The following NDUFA5 variants were observed in gnomAD, a reference collection of about 807,000 sequenced individuals.
NDUFA5 encodes NADH dehydrogenase [ubiquinone] 1 alpha subcomplex subunit 5.
Under a neutral mutation model 19.8 loss-of-function variants are expected in NDUFA5, and 11 were observed. The ratio of observed to expected loss-of-function variants is 0.56; its 90% CI spans 0.35 to 0.92. The LOEUF is 0.92. Among genes scored for constraint, NDUFA5 ranks in the 40% least tolerant of loss-of-function variants. The pLI, the probability that NDUFA5 is intolerant of heterozygous loss-of-function variation, is 0.01. For synonymous variants in NDUFA5, 47 were observed against 46.8 expected (o/e 1.00, Z -0.01); for missense variants, 109 against 134.2 (o/e 0.81, Z 0.93).
chr7:123,566,875 G>A, the NDUFA5 span: 7 of 152,166 alleles, frequency 4.6e-5, no homozygotes, highest in African/African-American at 1.7e-4. Flanking sequence ...CTGGAACTGA[G>A]ATGAATAGAA....
the NDUFA5 span, among the ~76,000 whole-genome samples, chr7:123,578,424 C>T: frequency 2.6e-5 from 4 of 151,922 alleles, no homozygotes; most frequent in African/African-American, 9.7e-5. Flanking sequence ...TTTGTCCAGA[C>T]TGTGAACATA....
chr7:123,569,358 T>G, the NDUFA5 span, among the ~76,000 whole-genome samples: 1 of 151,960 alleles, frequency 6.6e-6, no homozygotes, highest in African/African-American at 2.4e-5. Flanking sequence ...CAGATACATG[T>G]AAATAGCAAG....
upstream of NDUFA5, among the ~76,000 whole-genome samples, chr7:123,562,257 G>T (rs1299413177): frequency 6.6e-6 from 1 of 152,068 alleles, no homozygotes; most frequent in East Asian, 1.9e-4. Context: ...ACTAGATTTA[G>T]CATCATTCTT....
chr7:123,587,334 T>C, the NDUFA5 span, among the ~76,000 whole-genome samples: 1 of 151,704 alleles, frequency 6.6e-6, no homozygotes, highest in Non-Finnish European at 1.5e-5. Context: ...TTAAAATTTA[T>C]TTTTCTGATA....
intron 2 of NDUFA5, 116 bp downstream of exon 2, chr7:123,557,288 G>A: frequency 4.2e-6 from 6 of 1,433,410 alleles, no homozygotes; most frequent in African/African-American, 1.4e-5. Flanking sequence ...GAGCTCACGC[G>A]GCTTGTAATT....
the NDUFA5 span, among the ~76,000 whole-genome samples, chr7:123,564,368 T>C: frequency 2.0e-5 from 3 of 152,216 alleles, no homozygotes; most frequent in African/African-American, 7.2e-5. Flanking sequence ...AATTCTCCCA[T>C]GATTTTTTTC....
intron 3 of NDUFA5, chr7:123,546,628 T>C (rs568646253): frequency 2.4e-6 from 3 of 1,245,356 alleles, no homozygotes; most frequent in East Asian, 1.1e-4. Flanking sequence ...TTCTGGCCAA[T>C]AAATGGAATA....
chr7:123,548,590 G>T (rs764173385), intron 3 of NDUFA5, among the ~76,000 whole-genome samples: 3 of 152,194 alleles, frequency 2.0e-5, no homozygotes, highest in Admixed American at 6.5e-5. Flanking sequence ...CCACAGAACT[G>T]CCAGCAGTTT....
chr7:123,537,402 T>G lies in NDUFA5; in HGVS notation c.*4717A>C, dbSNP rs1797783854. On this transcript the variant is annotated 3_prime_UTR_variant, in exon 5 of 5. Coordinates refer to ENST00000355749, the MANE Select transcript of NDUFA5 (RefSeq NM_005000.5). The stretch of plus-strand genomic sequence containing the variant: ...GTTTTGGAAATTATTTAGATTAAAT[T>G]TGGATCATAATACCACTTTGTGAAC... 1 of 152,182 alleles carries G rather than the reference T, an allele frequency of 6.6e-6. No individual in the cohort carries two copies. Among genetic ancestry groups the G allele is most frequent in the Non-Finnish European group, 1.5e-5 (1 of 68,018 alleles). 9.4% of individuals were successfully genotyped at this position (152,182 alleles called of 1,614,324 possible).
the NDUFA5 span, among the ~76,000 whole-genome samples, chr7:123,586,168 T>C: frequency 6.6e-6 from 1 of 151,864 alleles, no homozygotes; most frequent in African/African-American, 2.4e-5. Context: ...TTTTCCATAA[T>C]GGCTGTACGA....
upstream of NDUFA5, chr7:123,558,219 T>C: frequency 4.6e-6 from 1 of 219,068 alleles, no homozygotes; most frequent in Non-Finnish European, 9.3e-6. Flanking sequence ...GAGCATCCTC[T>C]GAATTGATCT....
chr7:123,561,242 G>A (rs2116231023), upstream of NDUFA5, among the ~76,000 whole-genome samples: 1 of 152,240 alleles, frequency 6.6e-6, no homozygotes, highest in South Asian at 2.1e-4. Flanking sequence ...CTCAAAATTG[G>A]AATCAGTCCT....
the NDUFA5 span, among the ~76,000 whole-genome samples, chr7:123,599,162 C>G: frequency 5.3e-5 from 8 of 151,892 alleles, no homozygotes; most frequent in Non-Finnish European, 1.0e-4. Flanking sequence ...CTGAAATATA[C>G]CAAAGTGAAA....
upstream of NDUFA5, chr7:123,558,146 C>G: frequency 2.7e-6 from 1 of 368,350 alleles, no homozygotes; most frequent in Middle Eastern, 7.6e-4. Context: ...CTGTGCTTAA[C>G]CGTTGATGCA....
chr7:123,574,992 G>T, the NDUFA5 span, among the ~76,000 whole-genome samples: 2 of 150,232 alleles, frequency 1.3e-5, no homozygotes, highest in African/African-American at 4.9e-5. Context: ...CCATGAATAA[G>T]TTACATTGAT....
chr7:123,573,288 C>CTTT, the NDUFA5 span, among the ~76,000 whole-genome samples: 18 of 117,888 alleles, frequency 1.5e-4, no homozygotes, highest in South Asian at 5.7e-4. Flanking sequence ...TCTGGATTTG[C>CTTT]TTTTTTTTTT....
At chr7:123,555,102 T>C (rs1183000627) in intron 2 of NDUFA5, 1 of 152,200 alleles carries the variant, frequency 6.6e-6, no homozygotes, top group Admixed American at 6.5e-5. Context: ...ACTGGGGATT[T>C]TGGAATATAC....
the NDUFA5 span, among the ~76,000 whole-genome samples, chr7:123,565,739 G>C: frequency 0.015 from 2,272 of 152,264 alleles, 31 homozygotes; most frequent in Middle Eastern, 0.034. Context: ...AAGTTAGCCG[G>C]GCGCAGTGGC....
rs186144038 is a variant in NDUFA5, at chr7:123,545,883, T to G, written c.184-207A>C. The G allele has an allele frequency of 2.2e-3, 1,004 of 447,044 alleles. 10 individuals carry two copies. Among genetic ancestry groups the G allele is most frequent in the African/African-American group, 0.019 (929 of 48,810 alleles). The allele number at this position is 447,044 out of a possible 1,614,324, so 27.7% of individuals were successfully genotyped here. A position where few individuals can be genotyped will look rare whatever the true frequency, so the allele number is the denominator to read the frequency against. ...TTAATATTGAAAAGTGCTAAATGTT[T>G]ATTGACATGCTGATCAAGGGACAGA... is the stretch of plus-strand genomic sequence containing the variant. On this transcript the variant is annotated intron_variant, in intron 3 of 4. Transcript: ENST00000355749.
Sources: gnomAD v4.1 joint callset for allele counts (sites outside exome capture counted in the v4.1 genomes callset) on GRCh38, gnomAD v4.1.1 for gene constraint, MANE v1.5 for transcripts, NCBI Gene and HGNC (gene_info 2026-07-23, HGNC 2026-07-21) for gene names.